Variants in ACTN4 observed in about 807,000 individuals in gnomAD.
ACTN4 encodes the protein alpha-actinin-4.
ACTN4 carries 18 observed loss-of-function variants against 114.2 expected under a neutral mutation model. The observed-to-expected ratio is 0.16, with a 90% CI of 0.11 to 0.23. The LOEUF is 0.23. Ranked by LOEUF, ACTN4 falls within the 10% of genes least tolerant of loss-of-function variation. The pLI is 1.00. For missense variants in ACTN4, 722 were observed against 1,262.9 expected (o/e 0.57, Z 6.49); for synonymous variants, 515 against 506.3 (o/e 1.02, Z -0.23).
At chr19:38,715,773 C>T (rs1160246255) in intron 9 of ACTN4, among the ~76,000 whole-genome samples, 2 of 152,206 alleles carry the variant, frequency 1.3e-5, no homozygotes, top group African/African-American at 4.8e-5. Flanking sequence ...GCTGGCAGCA[C>T]GCCTCACAAT....
rs758371545 is a variant in ACTN4, at chr19:38,726,997, C to T, written c.2231C>T (p.Ala744Val). 17 of 1,614,112 alleles carry T rather than the reference C, an allele frequency of 1.1e-5. No homozygotes were observed. Among genetic ancestry groups the T allele is most frequent in the Non-Finnish European group, 1.4e-5 (17 of 1,180,028 alleles). Residue 744 changes from alanine (A) to valine (V), a missense_variant, in exon 18 of 21, where the codon GCC becomes GTC. Physicochemically the swap from Ala to Val is moderately conservative, Grantham distance 64 (BLOSUM62 0). Transcript: ENST00000252699. Reference sequence around the variant, plus strand: ...TGGGAGCAGCTGCTCACCACCATTGCCCGCACCATCAACGAGGTGGAGAAC... The same window carrying T: ...TGGGAGCAGCTGCTCACCACCATTGTCCGCACCATCAACGAGGTGGAGAAC... ...VGWEQLLTTI[A>V]RTINEVENQI... is the part of the protein sequence containing the mutation.
intron 9 of ACTN4, 146 bp downstream of exon 9, chr19:38,714,707 G>A: frequency 1.1e-6 from 1 of 873,154 alleles, no homozygotes; most frequent in Non-Finnish European, 1.9e-6. Context: ...TAGCCAGCTG[G>A]TGTGTACACG....
chr19:38,712,886 A>T (rs771603461), intron 8 of ACTN4, among the ~76,000 whole-genome samples: 42 of 152,180 alleles, frequency 2.8e-4, no homozygotes, highest in East Asian at 9.7e-4. Context: ...GGGAGCAGGG[A>T]CTGGCAGGCA....
In ACTN4 at chr19:38,721,455, C is replaced by T. The variant is rs570958484; in HGVS notation, c.1292-83C>T. 3.6e-4 allele frequency: 559 copies of T among 1,532,676 alleles called. 1 individual carries two copies. Among genetic ancestry groups the T allele is most frequent in the Non-Finnish European group, 3.6e-4 (396 of 1,112,132 alleles). The allele number at this position is 1,532,676 out of a possible 1,614,324, so 94.9% of individuals were successfully genotyped here. A position where few individuals can be genotyped will look rare whatever the true frequency, so the allele number is the denominator to read the frequency against. Reference sequence around the variant, plus strand: ...ATGTGGGGTCCACAGTCTCTCTTTCCCTCCCTCTGCTTGGACAGCCCCTCC... The same window carrying T: ...ATGTGGGGTCCACAGTCTCTCTTTCTCTCCCTCTGCTTGGACAGCCCCTCC... On this transcript the variant is annotated intron_variant, in intron 11 of 20. Coordinates refer to ENST00000252699, the MANE Select transcript of ACTN4 (RefSeq NM_004924.6).
At chr19:38,710,471 C>T (rs1203066006) in intron 8 of ACTN4, 129 bp downstream of exon 8, 2 of 991,482 alleles carry the variant, frequency 2.0e-6, no homozygotes, top group African/African-American at 3.2e-5. Flanking sequence ...AAGCCACCCC[C>T]AGCTCCCTGG....
intron 1 of ACTN4, among the ~76,000 whole-genome samples, chr19:38,661,448 C>G (rs900234761): frequency 6.6e-6 from 1 of 152,164 alleles, no homozygotes; most frequent in Non-Finnish European, 1.5e-5. Context: ...TAGTGTGGCT[C>G]TCTTAGGGAG....
At chr19:38,692,583 C>A (rs1967965460) in intron 1 of ACTN4, among the ~76,000 whole-genome samples, 1 of 152,302 alleles carries the variant, frequency 6.6e-6, no homozygotes, top group East Asian at 1.9e-4. Flanking sequence ...AGCCGTCTGG[C>A]CCTGAAAGCG....
intron 16 of ACTN4, among the ~76,000 whole-genome samples, chr19:38,725,218 T>G (rs1969190919): frequency 6.6e-6 from 1 of 152,200 alleles, no homozygotes; most frequent in African/African-American, 2.4e-5. Context: ...CAACCTCGTT[T>G]AAACCCAGCA....
At chr19:38,692,542 TGCC>T (rs1599807568) in intron 1 of ACTN4, among the ~76,000 whole-genome samples, 1 of 152,236 alleles carries the variant, frequency 6.6e-6, no homozygotes, top group East Asian at 1.9e-4. Flanking sequence ...TCTCTGCCTG[TGCC>T]GCTGGTAACC....
intron 1 of ACTN4, among the ~76,000 whole-genome samples, chr19:38,653,770 C>T (rs1976634870): frequency 6.6e-6 from 1 of 152,114 alleles, no homozygotes; most frequent in Non-Finnish European, 1.5e-5. Flanking sequence ...ACAGTTTTTT[C>T]CTCCGTTTCT....
At chr19:38,656,331 C>T (rs181483044) in intron 1 of ACTN4, among the ~76,000 whole-genome samples, 1 of 152,284 alleles carries the variant, frequency 6.6e-6, no homozygotes, top group East Asian at 1.9e-4. Context: ...AGTCTGGTCT[C>T]AGCCTCCCAA....
rs373308724 is a variant in ACTN4 at position 38,723,564 on chromosome 19, T to C, written c.1443-50T>C. 12 of 1,420,246 alleles carry C rather than the reference T, an allele frequency of 8.4e-6. No individual in the cohort carries two copies. The African/African-American group carries it at 8.5e-5, about 10-fold the overall frequency. The allele number at this position is 1,420,246 out of a possible 1,614,324, so 88.0% of individuals were successfully genotyped here. On this transcript the variant is annotated intron_variant, in intron 12 of 20. Transcript: ENST00000252699. Reference sequence around the variant, plus strand: ...CTTGGGGGTAGATGGGTCCAATCCATCTAGCCACTTGCCCTTGCCGAGTCT... The same window carrying C: ...CTTGGGGGTAGATGGGTCCAATCCACCTAGCCACTTGCCCTTGCCGAGTCT...
At position 38,729,298 on chromosome 19, in the gene ACTN4, C is replaced by T. The variant is rs756300540; in HGVS notation, c.2602C>T (p.Arg868Trp). The stretch of plus-strand genomic sequence containing the variant: ...GAACTTCATCACAGCTGAGGAGCTG[C>T]GGAGAGAGCTGCCCCCCGACCAGGC... The part of the protein sequence containing the change: ...DKNFITAEEL[R>W]RELPPDQAEY... The change falls in exon 21 of 21, where the codon CGG (arginine) becomes TGG (tryptophan). Residue 868 changes from arginine (R) to tryptophan (W), a missense_variant. By Grantham distance (101) the Arg-to-Trp change is moderately radical (BLOSUM62 -3). This residue lies in a region of ACTN4 where 523 missense variants were observed against 875.9 expected (regional missense o/e 0.60). Transcript: ENST00000252699. The T allele has an allele frequency of 7.4e-6, 12 of 1,612,694 alleles. No homozygotes were observed. Among genetic ancestry groups the T allele is most frequent in the South Asian group, 3.3e-5 (3 of 91,088 alleles).
At chr19:38,649,578 A>G (rs1166859318) in intron 1 of ACTN4, among the ~76,000 whole-genome samples, 1 of 152,192 alleles carries the variant, frequency 6.6e-6, no homozygotes, top group Non-Finnish European at 1.5e-5. Flanking sequence ...GATTCTGTTA[A>G]TAAAGAGGGA....
At chr19:38,662,667 T>A (rs17665451) in intron 1 of ACTN4, among the ~76,000 whole-genome samples, 22,805 of 152,196 alleles carry the variant, frequency 0.15, 1,997 homozygotes, top group Middle Eastern at 0.36. Context: ...ATGGAAAATG[T>A]GTCGGATTAG....
Position 38,700,960 on chromosome 19 carries a change from CTCTCTGTCTCGCCCCCTCTTTTCTCTT to C in ACTN4, c.278-40_278-14del. 1 of 1,608,860 alleles carries C rather than the reference CTCTCTGTCTCGCCCCCTCTTTTCTCTT, an allele frequency of 6.2e-7. No individual in the cohort carries two copies. Among genetic ancestry groups the C allele is most frequent in the Non-Finnish European group, 8.5e-7 (1 of 1,176,948 alleles). On this transcript the variant is annotated splice_polypyrimidine_tract_variant and intron_variant, in intron 2 of 20. Transcript: ENST00000252699. ...CCTCTCGCCCTCTCTCCCTTTCTCTCTCTCTGTCTCGCCCCCTCTTTTCTCTTTGTGCACTTCTCAGGGGAGCGGTTA... is the reference window on the plus strand; with the variant it reads ...CCTCTCGCCCTCTCTCCCTTTCTCTCTGTGCACTTCTCAGGGGAGCGGTTA...
Position 38,687,694 on chromosome 19 carries a change from C to T in ACTN4, c.163-12906C>T, listed in dbSNP as rs148696772. On this transcript the variant is annotated intron_variant, in intron 1 of 20. Coordinates refer to ENST00000252699, the MANE Select transcript of ACTN4 (RefSeq NM_004924.6). ...ACTGTAAAACTCTTAGAAGAAAACA[C>T]AAGTGTAAATCTCATGACCTTGGGT... 3.9e-3 allele frequency among the ~76,000 whole-genome samples: 598 copies of T among 152,264 alleles called. 4 individuals are homozygous for T. Among genetic ancestry groups the T allele is most frequent in the Non-Finnish European group, 6.1e-3 (416 of 68,016 alleles).
rs760694984 is a variant in ACTN4, at chr19:38,724,407, C to A, written c.1876-24C>A. On this transcript the variant is annotated intron_variant, in intron 15 of 20. Transcript: ENST00000252699. This position sits in a 1 kb window ranked among gnomAD's most constrained non-coding sequence, Gnocchi z 7.0. ...GCTGGGGGCCACCTCCCTGACCGCT[C>A]CCACACCGCGTCTCCTCTGCCAGGT... 6.2e-7 allele frequency: 1 copy of A among 1,612,432 alleles called. No individual in the cohort carries two copies. The highest frequency in any genetic ancestry group is 8.5e-7 in the Non-Finnish European group (1 of 1,179,578).
intron 11 of ACTN4, among the ~76,000 whole-genome samples, chr19:38,719,260 C>A (rs1253725155): frequency 6.6e-6 from 1 of 152,228 alleles, no homozygotes; most frequent in Non-Finnish European, 1.5e-5. Flanking sequence ...CTGGCCACCA[C>A]CTTCCCAACA....
Sources: allele counts gnomAD v4.1 joint callset (sites outside exome capture counted in the v4.1 genomes callset), GRCh38; gene constraint gnomAD v4.1.1; regional missense constraint gnomAD v4.1.1; non-coding constraint Gnocchi (gnomAD v3.1); transcripts MANE v1.5; gene names NCBI Gene and HGNC (gene_info 2026-07-23, HGNC 2026-07-21).